Variants in CGA observed in about 807,000 individuals in gnomAD.
CGA encodes glycoprotein hormones, alpha polypeptide.
CGA carries 4 observed loss-of-function variants against 12.0 expected under a neutral mutation model. That is an observed-to-expected ratio of 0.33 (90% confidence interval 0.16 to 0.76). The LOEUF is 0.76. Among genes scored for constraint, CGA ranks in the 30% least tolerant of loss-of-function variants. The pLI, the probability that CGA is intolerant of heterozygous loss-of-function variation, is 0.60. For missense variants in CGA, 102 were observed against 143.5 expected, an observed-to-expected ratio of 0.71 and a Z score of 1.48; for synonymous variants, 60 against 56.6, an observed-to-expected ratio of 1.06 and a Z score of -0.27.
At chr6:87,085,905 A>G in intron 3 of CGA, 72 bp from the exon 4 acceptor site, 1 of 1,036,818 alleles carries the variant, frequency 9.6e-7, no homozygotes, top group Non-Finnish European at 1.5e-6. Flanking sequence ...AAATTGAAGA[A>G]TATTACATAA....
intron 1 of CGA, among the ~76,000 whole-genome samples, chr6:87,090,979 G>T (rs73499717): frequency 6.6e-6 from 1 of 151,594 alleles, no homozygotes; most frequent in African/African-American, 2.4e-5. Flanking sequence ...AGTGTAAACA[G>T]GTTCTGAGAT....
At chr6:87,088,238 CA>C in intron 1 of CGA, 31 bp from the exon 2 acceptor site, 2 of 413,518 alleles carry the variant, frequency 4.8e-6, no homozygotes, top group East Asian at 1.1e-4. Context: ...AAAAAAAAAA[CA>C]AAAAACAGTT....
Position 87,088,224 on chromosome 6 carries a change from CAAAAA to C in CGA, c.-7-22_-7-18del. The C allele has an allele frequency of 2.3e-6, 1 of 436,076 alleles. No individual in the cohort carries two copies. The allele number at this position is 436,076 out of a possible 1,614,324, so 27.0% of individuals were successfully genotyped here. On this transcript the variant is annotated intron_variant, in intron 1 of 3. Coordinates refer to ENST00000627148, the MANE Select transcript of CGA (RefSeq NM_000735.4). The stretch of plus-strand genomic sequence containing the variant: ...ATGGCGCTCCTGCAGACAGACATGG[CAAAAA>C]AAAAAAAACAAAAAACAGTTAATCT...
rs1363912523 is a variant in CGA, at chr6:87,085,801, G to A, written c.306C>T (p.Asn102=). 1.2e-6 allele frequency: 2 copies of A among 1,612,624 alleles called. No homozygotes were observed. The highest frequency in any genetic ancestry group is 1.7e-6 in the Non-Finnish European group (2 of 1,178,954). ...AAGTACTGCAGTGGCACGCCGTGTG[G>A]TTCTCCACTTTGAAACCCCCCATTA... ...VTVMGGFKVE[N]HTACHCSTCY... The change falls in exon 4 of 4, where the codon AAC becomes AAT. Residue 102 remains asparagine (N), a synonymous_variant. Transcript: ENST00000627148.
intron 1 of CGA, among the ~76,000 whole-genome samples, chr6:87,094,092 G>A (rs957314392): frequency 6.5e-5 from 4 of 61,754 alleles, no homozygotes; most frequent in Admixed American, 5.2e-4. Flanking sequence ...AACTTTAAAA[G>A]ATTCCTTTTC....
Position 87,090,756 on chromosome 6 carries a change from G to T in CGA, c.-7-2549C>A, listed in dbSNP as rs536551319. Among the ~76,000 whole-genome samples, 4 of 150,164 alleles carry T rather than the reference G, an allele frequency of 2.7e-5. No homozygotes were observed. In the Admixed American group the frequency reaches 2.7e-4, roughly 10 times the overall value. The stretch of plus-strand genomic sequence containing the variant: ...GGGTTCAAGCAATTCTCCTGCCTCA[G>T]CCTCCCGAATAGCTGGGACTACAGG... On this transcript the variant is annotated intron_variant, in intron 1 of 3. Coordinates refer to ENST00000627148, the MANE Select transcript of CGA (RefSeq NM_000735.4).
At chr6:87,093,621 C>T (rs1430316965) in intron 1 of CGA, among the ~76,000 whole-genome samples, 1 of 152,196 alleles carries the variant, frequency 6.6e-6, no homozygotes, top group East Asian at 1.9e-4. Context: ...TGTAAATTTT[C>T]TCTTTGAGAA....
chr6:87,085,960 G>T lies in CGA; in HGVS notation c.274-127C>A, dbSNP rs867205191. On this transcript the variant is annotated intron_variant, in intron 3 of 3. Transcript: ENST00000627148. ...AAATAAGTAGATGCATACTACATTTGCACAGTCTCCTTTTTAGGAAATATT... is the reference window on the plus strand; with the variant it reads ...AAATAAGTAGATGCATACTACATTTTCACAGTCTCCTTTTTAGGAAATATT... 9.0e-5 allele frequency: 67 copies of T among 741,406 alleles called. 1 individual carries two copies. In the Middle Eastern group the frequency reaches 2.0e-3, roughly 22 times the overall value. 45.9% of individuals were successfully genotyped at this position (741,406 alleles called of 1,614,324 possible).
chr6:87,086,919 A>C (rs1286051665), intron 2 of CGA, among the ~76,000 whole-genome samples: 2 of 152,188 alleles, frequency 1.3e-5, no homozygotes, highest in African/African-American at 2.4e-5. Flanking sequence ...CTCTACTAAA[A>C]ATACAAAAAT....
chr6:87,092,559 A>T (rs554871773), intron 1 of CGA, among the ~76,000 whole-genome samples: 32 of 151,534 alleles, frequency 2.1e-4, no homozygotes, highest in Non-Finnish European at 1.5e-5. Flanking sequence ...GAAAAAGAAA[A>T]GAAGAGGAGA....
Position 87,085,693 on chromosome 6 carries a change from T to G in CGA, c.*63A>C. ...TTTTATCTCACAAAGCCATAAACAC[T>G]AAACAACTTAATTTTCCATTCCAGA... On this transcript the variant is annotated 3_prime_UTR_variant, in exon 4 of 4. Transcript: ENST00000627148. The G allele has an allele frequency of 5.2e-6, 6 of 1,163,664 alleles. No individual in the cohort carries two copies. The highest frequency in any genetic ancestry group is 7.7e-6 in the Non-Finnish European group (6 of 781,488). The allele number at this position is 1,163,664 out of a possible 1,614,324, so 72.1% of individuals were successfully genotyped here. A position where few individuals can be genotyped will look rare whatever the true frequency, so the allele number is the denominator to read the frequency against.
At chr6:87,094,032 A>G (rs1340578634) in intron 1 of CGA, among the ~76,000 whole-genome samples, 6 of 152,226 alleles carry the variant, frequency 3.9e-5, no homozygotes. Flanking sequence ...AATATTATGA[A>G]TAATTGAATT....
intron 1 of CGA, among the ~76,000 whole-genome samples, chr6:87,094,070 G>T (rs1412401634): frequency 6.6e-6 from 1 of 151,824 alleles, no homozygotes; most frequent in Non-Finnish European, 1.5e-5. Flanking sequence ...TTATTTAAAA[G>T]ATATTTTCAG....
At chr6:87,091,909 CT>C (rs1562095493) in intron 1 of CGA, among the ~76,000 whole-genome samples, 1 of 152,136 alleles carries the variant, frequency 6.6e-6, no homozygotes, top group East Asian at 1.9e-4. Context: ...AACTTTCTTT[CT>C]TTTTATTTAA....
intron 2 of CGA, among the ~76,000 whole-genome samples, chr6:87,087,025 G>A (rs1769337120): frequency 6.6e-6 from 1 of 152,174 alleles, no homozygotes; most frequent in Non-Finnish European, 1.5e-5. Context: ...GTTGCAGTAA[G>A]CTGAGATCAC....
chr6:87,091,547 CAT>C (rs1451383482), intron 1 of CGA, among the ~76,000 whole-genome samples: 6 of 152,202 alleles, frequency 3.9e-5, no homozygotes, highest in Admixed American at 6.5e-5. Context: ...TGGTATTTCA[CAT>C]GAGTATTTTC....
chr6:87,092,654 T>C (rs182957636), intron 1 of CGA, among the ~76,000 whole-genome samples: 1 of 151,062 alleles, frequency 6.6e-6, no homozygotes, highest in African/African-American at 2.4e-5. Flanking sequence ...GAGAGCAAGT[T>C]CAGGTATTTT....
chr6:87,087,603 T>C (rs752545263), intron 2 of CGA: 2 of 152,172 alleles, frequency 1.3e-5, no homozygotes, highest in Non-Finnish European at 2.9e-5. Context: ...TTACCACTTA[T>C]ATAGAGAAAA....
At chr6:87,088,245 C>G (rs769144847) in intron 1 of CGA, 38 bp from the exon 2 acceptor site, 4 of 1,135,842 alleles carry the variant, frequency 3.5e-6, no homozygotes, top group Admixed American at 2.5e-5. Context: ...AAACAAAAAA[C>G]AGTTAATCTA....
Sources: allele counts gnomAD v4.1 joint callset (sites outside exome capture counted in the v4.1 genomes callset), GRCh38; gene constraint gnomAD v4.1.1; transcripts MANE v1.5; gene names NCBI Gene and HGNC (gene_info 2026-07-23, HGNC 2026-07-21).